The following BRCA2 variants were observed in gnomAD, a reference collection of about 807,000 sequenced individuals.
The protein encoded by BRCA2 is BRCA2 DNA repair associated.
In BRCA2, 203 loss-of-function variants were observed where a neutral mutation model predicts 276.7. That is an observed-to-expected ratio of 0.73 (90% CI 0.65 to 0.82). The LOEUF (loss-of-function observed/expected upper bound fraction) is 0.82. Ranked by LOEUF, BRCA2 falls within the 40% of genes least tolerant of loss-of-function variation. BRCA2 has a pLI of 0.00. For missense variants in BRCA2, 3,920 were observed against 3,915.0 expected, an observed-to-expected ratio of 1.00 and a Z score of -0.03; for synonymous variants, 1,289 against 1,338.4, an observed-to-expected ratio of 0.96 and a Z score of 0.81.
In BRCA2 at chr13:32,341,091, C is replaced by G. The variant is rs1555284840; in HGVS notation, c.6736C>G (p.Pro2246Ala). Residue 2246 changes from proline to alanine, a missense_variant, in exon 11 of 27, where the codon CCA (proline) becomes GCA (alanine). Transcript: ENST00000380152. ...EDDELTDSKL[P>A]SHATHSLFTC... is the part of the protein sequence containing the mutation. Reference sequence around the variant, plus strand: ...TGATGAACTGACAGATTCTAAACTGCCAAGTCATGCCACACATTCTCTTTT... The same window carrying G: ...TGATGAACTGACAGATTCTAAACTGGCAAGTCATGCCACACATTCTCTTTT... 6.2e-7 allele frequency: 1 copy of G among 1,613,952 alleles called. No individual in the cohort carries two copies. Among genetic ancestry groups the G allele is most frequent in the East Asian group, 2.2e-5 (1 of 44,810 alleles).
chr13:32,347,691 A>C (rs1244798241), intron 13 of BRCA2, among the ~76,000 whole-genome samples: 1 of 152,210 alleles, frequency 6.6e-6, no homozygotes. Flanking sequence ...TCCTTCCCAC[A>C]CTTGGTTCCC....
rs786202576 is a variant in BRCA2 at position 32,340,958 on chromosome 13, T to C, written c.6603T>C (p.Ser2201=). ...KMEIGKTETF[S]DVPVKTNIEV... is the part of the protein sequence containing the mutation. ...AAATTGGTAAAACTGAAACTTTTTC[T>C]GATGTTCCTGTGAAAACAAATATAG... The change falls in exon 11 of 27, where the codon TCT becomes TCC. Residue 2201 remains serine, a synonymous_variant. Transcript: ENST00000380152. 5.0e-6 allele frequency: 8 copies of C among 1,609,028 alleles called. No homozygotes were observed. The highest frequency in any genetic ancestry group is 6.8e-6 in the Non-Finnish European group (8 of 1,178,802).
chr13:32,398,847 C>T lies in BRCA2; in HGVS notation c.*77C>T, dbSNP rs2137668703. On this transcript the variant is annotated 3_prime_UTR_variant, in exon 27 of 27. Transcript: ENST00000380152. The stretch of plus-strand genomic sequence containing the variant: ...AAGACTGGAATATAATTTCAAACCA[C>T]ACATTAGTACTTATGTTGCACAATG... 2.0e-6 allele frequency: 3 copies of T among 1,519,068 alleles called. No individual in the cohort carries two copies. The highest frequency in any genetic ancestry group is 1.8e-6 in the Non-Finnish European group (2 of 1,121,226). The allele number at this position is 1,519,068 out of a possible 1,614,324, so 94.1% of individuals were successfully genotyped here.
At position 32,339,600 on chromosome 13, in the gene BRCA2, T is replaced by C. The variant is rs876658731; in HGVS notation, c.5245T>C (p.Tyr1749His). ...YLSNSSMSNSYSYHSDEVYND... is the reference protein window; with the variant it reads ...YLSNSSMSNSHSYHSDEVYND... ...AAGTAACAGTAGCATGTCTAACAGC[T>C]ATTCCTACCATTCTGATGAGGTATA... is the stretch of plus-strand genomic sequence containing the variant. Residue 1749 changes from tyrosine to histidine, a missense_variant, in exon 11 of 27, where the codon TAT (tyrosine) becomes CAT (histidine). Transcript: ENST00000380152. The C allele has an allele frequency of 6.2e-7, 1 of 1,611,566 alleles. No homozygotes were observed. Among genetic ancestry groups the C allele is most frequent in the African/African-American group, 1.3e-5 (1 of 74,944 alleles).
chr13:32,365,804 A>G (rs1227585742), intron 18 of BRCA2, among the ~76,000 whole-genome samples: 1 of 147,942 alleles, frequency 6.8e-6, no homozygotes, highest in East Asian at 2.0e-4. Context: ...CTAGAAACAC[A>G]TAGTCCTTCA....
chr13:32,315,399 C>A, upstream of BRCA2: 1 of 152,422 alleles, frequency 6.6e-6, no homozygotes, highest in Non-Finnish European at 1.5e-5. Context: ...GAAATACCCG[C>A]AGCGGCCCAC....
At chr13:32,342,251 C>G (rs1309694287) in intron 11 of BRCA2, among the ~76,000 whole-genome samples, 2 of 133,370 alleles carry the variant, frequency 1.5e-5, no homozygotes, top group East Asian at 2.2e-4. Context: ...CCAGCCTGGG[C>G]AACAGAGCGA....
chr13:32,362,948 T>C (rs770726502), intron 17 of BRCA2, among the ~76,000 whole-genome samples: 5 of 152,274 alleles, frequency 3.3e-5, no homozygotes, highest in Non-Finnish European at 7.4e-5. Flanking sequence ...ACTAATTTGA[T>C]CCACTATTTG....
chr13:32,354,854 A>AT lies in BRCA2; in HGVS notation c.7008-5dup. ...CAATAAACTTATATATTTTCTCCCC[A>AT]TTGCAGCACAACTAAGGAACGTCAA... On this transcript the variant is annotated splice_polypyrimidine_tract_variant and splice_region_variant and intron_variant, in intron 13 of 26. Transcript: ENST00000380152. 1 of 1,534,110 alleles carries AT rather than the reference A, an allele frequency of 6.5e-7. No homozygotes were observed. Among genetic ancestry groups the AT allele is most frequent in the Non-Finnish European group, 9.0e-7 (1 of 1,107,384 alleles).
Position 32,340,433 on chromosome 13 carries a change from A to G in BRCA2, c.6078A>G (p.Thr2026=), listed in dbSNP as rs375649375. 2.6e-5 allele frequency: 42 copies of G among 1,613,862 alleles called. No individual in the cohort carries two copies. The highest frequency in any genetic ancestry group is 3.2e-5 in the Non-Finnish European group (38 of 1,179,858). The change falls in exon 11 of 27, where the codon ACA becomes ACG. Residue 2026 remains threonine, a synonymous_variant. Coordinates refer to ENST00000380152, the MANE Select transcript of BRCA2 (RefSeq NM_000059.4). ...GTAACGAACATTCAGACCAGCTCAC[A>G]AGAGAAGAAAATACTGCTATACGTA... The part of the protein sequence containing the change: ...FKSNEHSDQL[T]REENTAIRTP...
chr13:32,395,956 C>CTTT (rs2073033168), intron 25 of BRCA2: 4 of 96,404 alleles, frequency 4.1e-5, no homozygotes, highest in African/African-American at 2.6e-4. Context: ...TTTTTTCTTT[C>CTTT]TTTCTTTTTT....
intron 24 of BRCA2, among the ~76,000 whole-genome samples, chr13:32,392,691 T>C (rs1194825991): frequency 6.6e-6 from 1 of 152,198 alleles, no homozygotes; most frequent in Non-Finnish European, 1.5e-5. Flanking sequence ...CTCACCTAGC[T>C]TCCCCTAATG....
intron 18 of BRCA2, among the ~76,000 whole-genome samples, chr13:32,367,927 A>T (rs539278026): frequency 6.6e-6 from 1 of 151,862 alleles, no homozygotes; most frequent in East Asian, 1.9e-4. Flanking sequence ...AAATGTTTCA[A>T]CAAATAAGGA....
At chr13:32,333,791 A>G (rs926599500) in intron 10 of BRCA2, among the ~76,000 whole-genome samples, 1 of 151,726 alleles carries the variant, frequency 6.6e-6, no homozygotes, top group Non-Finnish European at 1.5e-5. Flanking sequence ...CTCCTGACAG[A>G]CCCTAGTGTG....
intron 21 of BRCA2, among the ~76,000 whole-genome samples, chr13:32,377,390 G>A (rs145119991): frequency 7.0e-4 from 106 of 152,200 alleles, no homozygotes; most frequent in Non-Finnish European, 1.2e-3. Flanking sequence ...TCGGGAGTTC[G>A]TGACCAGCCT....
chr13:32,316,619 CT>C, intron 2 of BRCA2, 92 bp downstream of exon 2: 1 of 1,095,808 alleles, frequency 9.1e-7, no homozygotes, highest in Non-Finnish European at 1.4e-6. Context: ...CACAGTGTTG[CT>C]TAGAACCATA....
At position 32,362,707 on chromosome 13, in the gene BRCA2, A is replaced by G. The variant is rs375770386; in HGVS notation, c.7976+14A>G. ...ACTAAAATACAGGCAAGTTTAAAGC[A>G]TTACATTACGTAATCATATACGGCA... On this transcript the variant is annotated intron_variant, in intron 17 of 26. Coordinates refer to ENST00000380152, the MANE Select transcript of BRCA2 (RefSeq NM_000059.4). 6.2e-6 allele frequency: 10 copies of G among 1,613,744 alleles called. No homozygotes were observed. In the South Asian group the frequency reaches 7.7e-5, roughly 12 times the overall value.
intron 7 of BRCA2, among the ~76,000 whole-genome samples, chr13:32,326,918 A>G (rs1275168216): frequency 7.2e-5 from 11 of 152,194 alleles, no homozygotes; most frequent in Non-Finnish European, 1.5e-4. Flanking sequence ...GGTGTGACTG[A>G]ATTCTTTTTA....
At chr13:32,370,649 C>G (rs2137598760) in intron 19 of BRCA2, 92 bp downstream of exon 19, 1 of 1,413,278 alleles carries the variant, frequency 7.1e-7, no homozygotes, top group Non-Finnish European at 9.8e-7. Context: ...GGTCTCTTGC[C>G]CAGGCTGGAG....
Sources: allele counts gnomAD v4.1 joint callset (sites outside exome capture counted in the v4.1 genomes callset), GRCh38; gene constraint gnomAD v4.1.1; transcripts MANE v1.5; gene names NCBI Gene and HGNC (gene_info 2026-07-23, HGNC 2026-07-21).